VAV3: variants seen among roughly 807,000 people sequenced by gnomAD.
VAV3 encodes the protein guanine nucleotide exchange factor VAV3.
In VAV3, 94 loss-of-function variants were observed where a neutral mutation model predicts 131.2. The ratio of observed to expected loss-of-function variants is 0.72; its 90% CI spans 0.61 to 0.85. The LOEUF (loss-of-function observed/expected upper bound fraction) is 0.85, where lower values mean the gene tolerates loss of function less well. Ranked by LOEUF, VAV3 falls within the 40% of genes least tolerant of loss-of-function variation. VAV3 has a pLI of 0.00. For missense variants in VAV3, 939 were observed against 1,002.7 expected (o/e 0.94, Z 0.86); for synonymous variants, 349 against 342.0 (o/e 1.02, Z -0.22).
At chr1:107,882,728 T>C (rs1670842253) in intron 1 of VAV3, among the ~76,000 whole-genome samples, 2 of 152,202 alleles carry the variant, frequency 1.3e-5, no homozygotes, top group African/African-American at 4.8e-5. Flanking sequence ...AGGACCTTAT[T>C]TGTCCTTTTC....
At chr1:107,706,508 T>A (rs1668181206) in intron 15 of VAV3, among the ~76,000 whole-genome samples, 1 of 152,220 alleles carries the variant, frequency 6.6e-6, no homozygotes, top group African/African-American at 2.4e-5. Flanking sequence ...AATGTTCCAC[T>A]GCACGCTGAG....
intron 1 of VAV3, among the ~76,000 whole-genome samples, chr1:107,931,537 T>C (rs1004395020): frequency 4.6e-5 from 7 of 152,248 alleles, no homozygotes; most frequent in Non-Finnish European, 8.8e-5. Flanking sequence ...TCTTTGTGTA[T>C]GTTTAAAATT....
At chr1:107,929,706 T>G (rs75072520) in intron 1 of VAV3, among the ~76,000 whole-genome samples, 8,750 of 152,130 alleles carry the variant, frequency 0.058, 347 homozygotes, top group African/African-American at 0.11. Context: ...GTGTAGAAAT[T>G]TATTAGTTTT....
At chr1:107,903,297 G>A (rs1483876095) in intron 1 of VAV3, among the ~76,000 whole-genome samples, 2 of 152,206 alleles carry the variant, frequency 1.3e-5, no homozygotes, top group Non-Finnish European at 2.9e-5. Context: ...TTTGATCCAA[G>A]TAGACCAAAT....
chr1:107,949,796 GAACT>G (rs1674448217), intron 1 of VAV3, among the ~76,000 whole-genome samples: 1 of 152,194 alleles, frequency 6.6e-6, no homozygotes, highest in Non-Finnish European at 1.5e-5. Context: ...GTGGCTGACT[GAACT>G]AAGTTTACTA....
chr1:107,768,242 G>T (rs1664842957), intron 7 of VAV3, among the ~76,000 whole-genome samples, 199 bp downstream of exon 7: 1 of 152,238 alleles, frequency 6.6e-6, no homozygotes, highest in South Asian at 2.1e-4. Flanking sequence ...CATGTTGACT[G>T]ACTTTTGGTT....
chr1:107,598,044 G>A (rs1416433432), intron 24 of VAV3, among the ~76,000 whole-genome samples: 2 of 152,098 alleles, frequency 1.3e-5, no homozygotes, highest in Admixed American at 6.6e-5. Context: ...AGCAAATAGT[G>A]CCTAGCAAAT....
intron 20 of VAV3, among the ~76,000 whole-genome samples, chr1:107,635,063 G>C (rs1255915269): frequency 6.6e-6 from 1 of 151,882 alleles, no homozygotes; most frequent in African/African-American, 2.4e-5. Context: ...TCAGTGTGGC[G>C]ATTCCTCAGG....
intron 20 of VAV3, among the ~76,000 whole-genome samples, chr1:107,636,349 A>G (rs1238334472): frequency 6.6e-6 from 1 of 152,198 alleles, no homozygotes; most frequent in African/African-American, 2.4e-5. Flanking sequence ...AAATATTTCA[A>G]AGCTAATTAA....
intron 26 of VAV3, among the ~76,000 whole-genome samples, chr1:107,573,583 C>T (rs1011216710): frequency 6.6e-6 from 1 of 152,190 alleles, no homozygotes; most frequent in Non-Finnish European, 1.5e-5. Flanking sequence ...TTCTAATCCA[C>T]TAGCACACAA....
intron 4 of VAV3, 77 bp downstream of exon 4, chr1:107,777,154 T>G: frequency 7.6e-7 from 1 of 1,322,004 alleles, no homozygotes; most frequent in Non-Finnish European, 1.1e-6. Context: ...ATAGCTTACT[T>G]TAACATCCAC....
chr1:107,756,904 G>C (rs1030339059), intron 11 of VAV3, among the ~76,000 whole-genome samples: 2 of 151,534 alleles, frequency 1.3e-5, no homozygotes, highest in South Asian at 2.1e-4. Flanking sequence ...GAAAAGAATG[G>C]GAAAAAAATA....
At chr1:107,804,916 G>A (rs902551629) in intron 2 of VAV3, among the ~76,000 whole-genome samples, 2 of 149,560 alleles carry the variant, frequency 1.3e-5, no homozygotes, top group Non-Finnish European at 3.0e-5. Flanking sequence ...GAAGGATAGC[G>A]TTGTTGAAAC....
chr1:107,924,526 C>T lies in VAV3; in HGVS notation c.204+40140G>A, dbSNP rs368095142. Among the ~76,000 whole-genome samples the T allele has an allele frequency of 9.2e-5, 14 of 152,158 alleles. No homozygotes were observed. The East Asian group carries it at 2.7e-3, about 29-fold the overall frequency. On this transcript the variant is annotated intron_variant, in intron 1 of 26. Transcript: ENST00000370056. The stretch of plus-strand genomic sequence containing the variant: ...ATATTACCTCCTGGTTACCTCTCAA[C>T]TTTTGTCAACTTCTCAGCATACCAC...
chr1:107,666,658 C>T (rs1657432369), intron 19 of VAV3, among the ~76,000 whole-genome samples: 1 of 151,852 alleles, frequency 6.6e-6, no homozygotes, highest in African/African-American at 2.4e-5. Flanking sequence ...CAACCTCTGC[C>T]TCCTGGGTTC....
At chr1:107,783,188 G>A (rs1665788317) in intron 2 of VAV3, among the ~76,000 whole-genome samples, 1 of 152,182 alleles carries the variant, frequency 6.6e-6, no homozygotes, top group African/African-American at 2.4e-5. Flanking sequence ...GCTTTAGAAG[G>A]GTGGCTTATA....
In VAV3 at chr1:107,814,324, C is replaced by A. The variant is rs1456754870; in HGVS notation, c.322-34832G>T. Reference sequence around the variant, plus strand: ...CTCGCCAGCACCCATTAGTTTTTGTCTTTTTAGTAATAGCCACTCTAAATG... The same window carrying A: ...CTCGCCAGCACCCATTAGTTTTTGTATTTTTAGTAATAGCCACTCTAAATG... On this transcript the variant is annotated intron_variant, in intron 2 of 26. Transcript: ENST00000370056. 2.0e-5 allele frequency among the ~76,000 whole-genome samples: 3 copies of A among 151,988 alleles called. No individual in the cohort carries two copies. In the East Asian group the frequency reaches 5.8e-4, roughly 29 times the overall value.
intron 3 of VAV3, among the ~76,000 whole-genome samples, chr1:107,778,774 G>A (rs1485164568): frequency 6.6e-6 from 1 of 152,164 alleles, no homozygotes; most frequent in Non-Finnish European, 1.5e-5. Context: ...AGTAGAGACT[G>A]TTTTGCTTTA....
chr1:107,644,081 A>G (rs1243114098), intron 19 of VAV3, among the ~76,000 whole-genome samples: 1 of 152,132 alleles, frequency 6.6e-6, no homozygotes, highest in Non-Finnish European at 1.5e-5. Flanking sequence ...CCCTAACACC[A>G]ACAGCAGATT....
Sources: gnomAD v4.1 joint callset for allele counts (sites outside exome capture counted in the v4.1 genomes callset) on GRCh38, gnomAD v4.1.1 for gene constraint, MANE v1.5 for transcripts, NCBI Gene and HGNC (gene_info 2026-07-23, HGNC 2026-07-21) for gene names.